DSCAM: variants seen among roughly 807,000 people sequenced by gnomAD.
The protein encoded by DSCAM is cell adhesion molecule DSCAM.
DSCAM carries 47 observed loss-of-function variants against 217.7 expected under a neutral mutation model. The observed-to-expected ratio is 0.22, with a 90% CI of 0.17 to 0.28. The LOEUF is 0.28. DSCAM is among the 10% of genes least tolerant of loss of function. The pLI is 1.00. For synonymous variants in DSCAM, 1,056 were observed against 1,015.3 expected, an observed-to-expected ratio of 1.04 and a Z score of -0.76; for missense variants, 2,080 against 2,618.3, an observed-to-expected ratio of 0.79 and a Z score of 4.49.
chr21:40,188,804 C>G (rs1387720688), intron 12 of DSCAM, among the ~76,000 whole-genome samples: 1 of 111,368 alleles, frequency 9.0e-6, no homozygotes, highest in Non-Finnish European at 1.7e-5. Flanking sequence ...TTTTTTTTTA[C>G]TACATTTGGG....
chr21:40,017,087 G>A (rs1257201196), intron 32 of DSCAM, among the ~76,000 whole-genome samples: 1 of 146,218 alleles, frequency 6.8e-6, no homozygotes, highest in African/African-American at 2.6e-5. Context: ...TGGGCAACAA[G>A]GATGAAACTC....
At chr21:40,083,388 C>T (rs539493189) in intron 24 of DSCAM, among the ~76,000 whole-genome samples, 7 of 152,342 alleles carry the variant, frequency 4.6e-5, no homozygotes, top group African/African-American at 1.7e-4. Context: ...GAGATAGTGC[C>T]ACTGCACTCC....
intron 32 of DSCAM, among the ~76,000 whole-genome samples, chr21:40,040,417 A>G (rs983843655): frequency 6.6e-6 from 1 of 152,206 alleles, no homozygotes; most frequent in Non-Finnish European, 1.5e-5. Flanking sequence ...AAAGGCCTGC[A>G]CAAATAGGAC....
At chr21:40,543,354 C>T (rs1451565210) in intron 3 of DSCAM, among the ~76,000 whole-genome samples, 1 of 152,192 alleles carries the variant, frequency 6.6e-6, no homozygotes, top group Non-Finnish European at 1.5e-5. Flanking sequence ...CTGGGATCCA[C>T]CATTTGGCAT....
At chr21:40,181,870 C>T (rs2090806469) in intron 14 of DSCAM, among the ~76,000 whole-genome samples, 1 of 151,982 alleles carries the variant, frequency 6.6e-6, no homozygotes, top group Admixed American at 6.6e-5. Context: ...AGGAAGATGT[C>T]AGAAGCATTC....
chr21:40,087,246 G>C lies in DSCAM; in HGVS notation c.3892C>G (p.Pro1298Ala), dbSNP rs746650317. Reference sequence around the variant, plus strand: ...GGCAAGACAATGTCTTTCATCCATGGAGTAGTCACTGTCCCACTGAAGGTC... The same window carrying C: ...GGCAAGACAATGTCTTTCATCCATGCAGTAGTCACTGTCCCACTGAAGGTC... ...ILTFSGTVTT[P>A]WMKDIVLPCK... Residue 1298 changes from proline (P) to alanine (A), a missense_variant, in exon 22 of 33, where the codon CCA (proline) becomes GCA (alanine). Physicochemically the swap from Pro to Ala is conservative, Grantham distance 27. Around this residue, in one of 5 missense-constraint regions of DSCAM, gnomAD observed 1,144 missense variants for 1,421.1 expected, o/e 0.81. Coordinates refer to ENST00000400454, the MANE Select transcript of DSCAM (RefSeq NM_001389.5). 1.2e-5 allele frequency: 19 copies of C among 1,614,084 alleles called. No homozygotes were observed. The highest frequency in any genetic ancestry group is 1.5e-5 in the Non-Finnish European group (18 of 1,179,976).
chr21:40,252,833 C>T (rs182917095), intron 11 of DSCAM, among the ~76,000 whole-genome samples: 7 of 152,212 alleles, frequency 4.6e-5, no homozygotes, highest in South Asian at 4.1e-4. Context: ...AACTTCCCAA[C>T]GTATAAAACA....
rs375497881 is a variant in DSCAM, at chr21:40,718,577, C to T, written c.44-9806G>A. On this transcript the variant is annotated intron_variant, in intron 1 of 32. Transcript: ENST00000400454. ...GAGACTTACTATCATGAGAACAGCA[C>T]GGGAATGACCTGCCCCCACGATTCA... Among the ~76,000 whole-genome samples the T allele has an allele frequency of 5.3e-5, 8 of 152,154 alleles. 1 individual carries two copies. The highest frequency in any genetic ancestry group is 3.9e-4 in the East Asian group (2 of 5,166).
chr21:40,347,599 GTCT>G (rs896581952), intron 6 of DSCAM, 68 bp downstream of exon 6: 141 of 1,593,386 alleles, frequency 8.8e-5, no homozygotes, highest in Middle Eastern at 6.8e-4. Context: ...GCTTCACCCT[GTCT>G]TCTTCTTTTC....
At chr21:40,796,421 CTT>C (rs1269323046) in intron 1 of DSCAM, among the ~76,000 whole-genome samples, 1 of 152,214 alleles carries the variant, frequency 6.6e-6, no homozygotes, top group Non-Finnish European at 1.5e-5. Flanking sequence ...CAAAATAAAT[CTT>C]TGTTGTCATT....
rs868592652 is a variant in DSCAM, at chr21:40,793,989, T to A, written c.43+52630A>T. Among the ~76,000 whole-genome samples, 5 of 152,320 alleles carry A rather than the reference T, an allele frequency of 3.3e-5. No individual in the cohort carries two copies. In the East Asian group the frequency reaches 5.8e-4, roughly 18 times the overall value. On this transcript the variant is annotated intron_variant, in intron 1 of 32. Transcript: ENST00000400454. ...TTAGTATTTTGCGTTTCTGATTTTTTAAAAAATTTTCTCTATAATAAGCTT... is the reference window on the plus strand; with the variant it reads ...TTAGTATTTTGCGTTTCTGATTTTTAAAAAAATTTTCTCTATAATAAGCTT...
At chr21:40,292,194 T>C (rs2073901130) in intron 10 of DSCAM, among the ~76,000 whole-genome samples, 1 of 150,814 alleles carries the variant, frequency 6.6e-6, no homozygotes, top group African/African-American at 2.4e-5. Flanking sequence ...ACTTTTTTTT[T>C]TTTTTTTTTT....
intron 3 of DSCAM, among the ~76,000 whole-genome samples, chr21:40,528,912 T>G (rs1308529029): frequency 7.1e-6 from 1 of 139,890 alleles, no homozygotes; most frequent in Non-Finnish European, 1.5e-5. Flanking sequence ...TTTTTTTTTT[T>G]TTTTTTTTTG....
chr21:40,563,657 T>C (rs1226197927), intron 3 of DSCAM, among the ~76,000 whole-genome samples: 2 of 124,160 alleles, frequency 1.6e-5, no homozygotes, highest in African/African-American at 3.4e-5. Flanking sequence ...TATATGTTTA[T>C]GTTTGTTTAT....
intron 1 of DSCAM, among the ~76,000 whole-genome samples, chr21:40,834,350 T>C (rs1467231182): frequency 6.6e-6 from 1 of 150,510 alleles, no homozygotes. Context: ...GAGCTTGCAG[T>C]GAGCAGAGAT....
rs545959361 is a variant in DSCAM, at chr21:40,359,103, T to C, written c.656-5360A>G. On this transcript the variant is annotated intron_variant, in intron 4 of 32. Coordinates refer to ENST00000400454, the MANE Select transcript of DSCAM (RefSeq NM_001389.5). ...AGACATGACTTCACACCCATTAGGA[T>C]GACTGCAATAAAATCACAAACAATG... Among the ~76,000 whole-genome samples the C allele has an allele frequency of 1.1e-4, 16 of 152,322 alleles. No homozygotes were observed. The South Asian group carries it at 3.3e-3, about 32-fold the overall frequency.
chr21:40,663,199 T>C (rs2090159419), intron 3 of DSCAM, among the ~76,000 whole-genome samples: 1 of 139,386 alleles, frequency 7.2e-6, no homozygotes, highest in Admixed American at 7.5e-5. Flanking sequence ...CATATGTGCA[T>C]GTGAGTGTAT....
intron 3 of DSCAM, among the ~76,000 whole-genome samples, chr21:40,583,736 A>G (rs139091902): frequency 4.5e-4 from 69 of 152,290 alleles, no homozygotes; most frequent in African/African-American, 1.5e-3. Context: ...CCACTGGGTA[A>G]TAATGATCTT....
At chr21:40,099,761 T>C (rs1404101536) in intron 20 of DSCAM, among the ~76,000 whole-genome samples, 1 of 152,200 alleles carries the variant, frequency 6.6e-6, no homozygotes, top group African/African-American at 2.4e-5. Context: ...TTCTCATGTT[T>C]TGCCAGTCAT....
Sources: gnomAD v4.1 joint callset for allele counts (sites outside exome capture counted in the v4.1 genomes callset) on GRCh38, gnomAD v4.1.1 for gene constraint, gnomAD v4.1.1 regional missense constraint, MANE v1.5 for transcripts, NCBI Gene and HGNC (gene_info 2026-07-23, HGNC 2026-07-21) for gene names.